TRPM6: variants seen among roughly 807,000 people sequenced by gnomAD.
TRPM6 encodes the protein channel kinase 2.
TRPM6 carries 111 observed loss-of-function variants against 247.6 expected under a neutral mutation model. The observed-to-expected ratio is 0.45, with a 90% CI of 0.38 to 0.52. The LOEUF is 0.52. TRPM6 is among the 20% of genes least tolerant of loss of function. The pLI is 0.00. For missense variants in TRPM6, 2,126 were observed against 2,421.5 expected (o/e 0.88, Z 2.56); for synonymous variants, 892 against 853.8 (o/e 1.04, Z -0.78).
At chr9:74,729,277 A>G (rs568662140) in intron 37 of TRPM6, among the ~76,000 whole-genome samples, 3 of 152,344 alleles carry the variant, frequency 2.0e-5, no homozygotes, top group Non-Finnish European at 4.4e-5. Flanking sequence ...GCAAACTATC[A>G]CAAAAGGAAA....
intron 5 of TRPM6, among the ~76,000 whole-genome samples, chr9:74,836,470 G>A (rs903199205): frequency 6.6e-6 from 1 of 152,136 alleles, no homozygotes; most frequent in African/African-American, 2.4e-5. Flanking sequence ...CCTGGGATCT[G>A]GATCACAGGC....
chr9:74,783,314 T>A (rs1402920314), intron 21 of TRPM6, among the ~76,000 whole-genome samples: 1 of 152,170 alleles, frequency 6.6e-6, no homozygotes, highest in African/African-American at 2.4e-5. Context: ...TAAATGTACA[T>A]CAACTCAGTC....
At position 74,782,379 on chromosome 9, in the gene TRPM6, C is replaced by G. The variant is rs761675770; in HGVS notation, c.3192G>C (p.Leu1064=). 4 of 1,613,252 alleles carry G rather than the reference C, an allele frequency of 2.5e-6. No individual in the cohort carries two copies. Among genetic ancestry groups the G allele is most frequent in the Non-Finnish European group, 3.4e-6 (4 of 1,179,330 alleles). ...TAACCTACTTGAAGAAAGCAATCAA[C>G]AGGTTCACCATGATGATATATTGCA... ...LFVQYIIMVN[L]LIAFFNNVYL... is the part of the protein sequence containing the mutation. Residue 1064 remains leucine (L), a synonymous_variant, in exon 23 of 39, where the codon CTG becomes CTC. Coordinates refer to ENST00000360774, the MANE Select transcript of TRPM6 (RefSeq NM_017662.5).
intron 14 of TRPM6, among the ~76,000 whole-genome samples, chr9:74,806,489 A>G (rs1328582871): frequency 1.3e-5 from 2 of 152,146 alleles, no homozygotes; most frequent in African/African-American, 4.8e-5. Context: ...TTGAACATAG[A>G]AATGATGAGG....
chr9:74,828,645 T>C (rs1251806341), intron 6 of TRPM6, among the ~76,000 whole-genome samples: 2 of 151,296 alleles, frequency 1.3e-5, no homozygotes, highest in East Asian at 3.9e-4. Context: ...TTTTTTTTTT[T>C]TGAGATGGAG....
chr9:74,829,334 C>T (rs192227198), intron 6 of TRPM6, among the ~76,000 whole-genome samples: 326 of 152,210 alleles, frequency 2.1e-3, no homozygotes, highest in African/African-American at 7.5e-3. Context: ...GCCAACCAGC[C>T]AAACAGTATT....
At chr9:74,747,987 G>T in intron 30 of TRPM6, 73 bp from the exon 31 acceptor site, 1 of 1,349,618 alleles carries the variant, frequency 7.4e-7, no homozygotes. Flanking sequence ...AAAGGAAACA[G>T]CACATGGAAC....
At chr9:74,884,262 G>A (rs1485224537) in intron 1 of TRPM6, among the ~76,000 whole-genome samples, 1 of 152,182 alleles carries the variant, frequency 6.6e-6, no homozygotes, top group Non-Finnish European at 1.5e-5. Context: ...AGGCTGAGGT[G>A]GGCAGATCAC....
chr9:74,785,215 C>T (rs1827602327), intron 21 of TRPM6, among the ~76,000 whole-genome samples: 2 of 152,142 alleles, frequency 1.3e-5, no homozygotes, highest in Admixed American at 1.3e-4. Flanking sequence ...CCTATAGTCC[C>T]AGCTACTCAG....
intron 2 of TRPM6, among the ~76,000 whole-genome samples, chr9:74,858,212 C>T (rs1388988629): frequency 6.6e-6 from 1 of 152,178 alleles, no homozygotes; most frequent in African/African-American, 2.4e-5. Flanking sequence ...CACGGTGAAA[C>T]CCTGTCTCTA....
At chr9:74,789,332 T>G (rs924702283) in intron 19 of TRPM6, among the ~76,000 whole-genome samples, 1 of 152,196 alleles carries the variant, frequency 6.6e-6, no homozygotes, top group Non-Finnish European at 1.5e-5. Context: ...TGACACATGA[T>G]AGACATTCAA....
At chr9:74,767,424 G>A (rs1826864936) in intron 25 of TRPM6, among the ~76,000 whole-genome samples, 2 of 152,118 alleles carry the variant, frequency 1.3e-5, no homozygotes, top group Admixed American at 6.5e-5. Context: ...TTCCACTGTC[G>A]CAACTCACTT....
At position 74,739,468 on chromosome 9, in the gene TRPM6, TG is replaced by T; in HGVS notation, c.5488-20del. ...GAATTTCCTACAAAATAGGGAGCAC[TG>T]ATAAAAATACTGATTTACTGTTGTA... On this transcript the variant is annotated intron_variant, in intron 34 of 38. Coordinates refer to ENST00000360774, the MANE Select transcript of TRPM6 (RefSeq NM_017662.5). 1 of 1,607,074 alleles carries T rather than the reference TG, an allele frequency of 6.2e-7. No homozygotes were observed. The highest frequency in any genetic ancestry group is 8.5e-7 in the Non-Finnish European group (1 of 1,173,672).
At chr9:74,745,133 G>A (rs887015646) in intron 31 of TRPM6, among the ~76,000 whole-genome samples, 5 of 152,178 alleles carry the variant, frequency 3.3e-5, no homozygotes, top group African/African-American at 7.2e-5. Flanking sequence ...AGTAATATAC[G>A]TAATAAAGGT....
chr9:74,769,747 A>G (rs1429378897), intron 25 of TRPM6, among the ~76,000 whole-genome samples: 4 of 133,150 alleles, frequency 3.0e-5, no homozygotes, highest in African/African-American at 1.3e-4. Flanking sequence ...ACAGAGTGAG[A>G]CTCCGTTGAA....
At chr9:74,797,400 T>C (rs138530449) in intron 17 of TRPM6, among the ~76,000 whole-genome samples, 74 of 152,312 alleles carry the variant, frequency 4.9e-4, no homozygotes, top group Non-Finnish European at 6.5e-4. Context: ...TCAAATGGTG[T>C]TGTATTTCCA....
intron 23 of TRPM6, among the ~76,000 whole-genome samples, chr9:74,781,289 A>T (rs945162535): frequency 6.6e-6 from 1 of 152,132 alleles, no homozygotes; most frequent in East Asian, 1.9e-4. Context: ...TAATCCCAGC[A>T]CTTAGGGAGG....
At chr9:74,833,732 AT>A (rs1829620460) in intron 6 of TRPM6, among the ~76,000 whole-genome samples, 1 of 152,208 alleles carries the variant, frequency 6.6e-6, no homozygotes, top group African/African-American at 2.4e-5. Context: ...TTTTAGATAT[AT>A]TTTTAAAGTG....
intron 1 of TRPM6, chr9:74,887,086 A>AG (rs1260969149): frequency 1.1e-5 from 5 of 452,348 alleles, no homozygotes; most frequent in Non-Finnish European, 1.9e-5. Flanking sequence ...AACAGCCAGG[A>AG]GCACCCTCCC....
Sources: gnomAD v4.1 joint callset for allele counts (sites outside exome capture counted in the v4.1 genomes callset) on GRCh38, gnomAD v4.1.1 for gene constraint, MANE v1.5 for transcripts, NCBI Gene and HGNC (gene_info 2026-07-23, HGNC 2026-07-21) for gene names.